CRYL1: variants seen among roughly 807,000 people sequenced by gnomAD.
The protein encoded by CRYL1 is crystallin lambda 1.
In CRYL1, 29 loss-of-function variants were observed where a neutral mutation model predicts 36.6. The ratio of observed to expected loss-of-function variants is 0.79; its 90% CI spans 0.59 to 1.08. The LOEUF (loss-of-function observed/expected upper bound fraction) is 1.08. Among genes scored for constraint, CRYL1 ranks in the 50% least tolerant of loss-of-function variants. The pLI is 0.00. For synonymous variants in CRYL1, 152 were observed against 151.5 expected, an observed-to-expected ratio of 1.00 and a Z score of -0.02; for missense variants, 411 against 407.9, an observed-to-expected ratio of 1.01 and a Z score of -0.06.
intron 2 of CRYL1, among the ~76,000 whole-genome samples, chr13:20,509,786 T>C (rs1168040296): frequency 6.6e-6 from 1 of 152,036 alleles, no homozygotes; most frequent in Non-Finnish European, 1.5e-5. Context: ...AAAAATTAGC[T>C]GGGCGTAGTG....
chr13:20,495,922 C>T (rs1294049386), intron 2 of CRYL1, among the ~76,000 whole-genome samples: 2 of 152,172 alleles, frequency 1.3e-5, no homozygotes, highest in Non-Finnish European at 2.9e-5. Context: ...CTCAGCTTCC[C>T]AAATAGCTGG....
intron 2 of CRYL1, among the ~76,000 whole-genome samples, chr13:20,508,848 CAAA>C (rs1179533995): frequency 2.9e-4 from 3 of 10,448 alleles, no homozygotes; most frequent in Admixed American, 2.2e-3. Context: ...AGCGAGACTC[CAAA>C]AAAAAAAAAA....
chr13:20,489,405 T>C lies in CRYL1; in HGVS notation c.241A>G (p.Ile81Val). Residue 81 changes from isoleucine (I) to valine (V), a missense_variant, in exon 3 of 8, where the codon ATC becomes GTC. Ile to Val is a conservative substitution (Grantham distance 29). Transcript: ENST00000298248. ...ATGGCACCCTCTACTGCTTCTTGGATATTGGGACAACCACTGATGAGTGAC... is the reference window on the plus strand; with the variant it reads ...ATGGCACCCTCTACTGCTTCTTGGACATTGGGACAACCACTGATGAGTGAC... Reference protein sequence around the residue: ...QLSLISGCPNIQEAVEGAMHI... With the variant: ...QLSLISGCPNVQEAVEGAMHI... 1 of 1,613,670 alleles carries C rather than the reference T, an allele frequency of 6.2e-7. No homozygotes were observed. Among genetic ancestry groups the C allele is most frequent in the Non-Finnish European group, 8.5e-7 (1 of 1,180,024 alleles).
chr13:20,511,411 T>C (rs963491994), intron 2 of CRYL1, among the ~76,000 whole-genome samples: 1 of 152,152 alleles, frequency 6.6e-6, no homozygotes, highest in African/African-American at 2.4e-5. Flanking sequence ...GTTTTTTAGA[T>C]TGACATTTTA....
intron 2 of CRYL1, among the ~76,000 whole-genome samples, chr13:20,510,433 G>A (rs2033892214): frequency 6.6e-6 from 1 of 152,066 alleles, no homozygotes; most frequent in African/African-American, 2.4e-5. Flanking sequence ...ATAACATTCT[G>A]GAAAAGGTAA....
At chr13:20,414,928 T>A (rs2031619711) in intron 5 of CRYL1, among the ~76,000 whole-genome samples, 1 of 152,150 alleles carries the variant, frequency 6.6e-6, no homozygotes, top group African/African-American at 2.4e-5. Flanking sequence ...CAGGCAGCAC[T>A]CCCGCGGAAT....
intron 5 of CRYL1, chr13:20,427,292 A>G: frequency 1.0e-6 from 1 of 985,418 alleles, no homozygotes; most frequent in Non-Finnish European, 1.2e-6. Flanking sequence ...GCTTCATCCC[A>G]AAACTGAAGC....
intron 5 of CRYL1, among the ~76,000 whole-genome samples, chr13:20,423,733 G>A (rs542043658): frequency 1.1e-4 from 17 of 149,450 alleles, no homozygotes; most frequent in African/African-American, 3.7e-4. Flanking sequence ...GGTGGACACT[G>A]AGTACTCACT....
intron 5 of CRYL1, chr13:20,430,527 C>T (rs545351208): frequency 1.0e-6 from 1 of 985,436 alleles, no homozygotes; most frequent in African/African-American, 1.7e-5. Context: ...GTCAGCAGAA[C>T]TACCAGAGCA....
rs1420963984 is a variant in CRYL1, at chr13:20,430,934, A to G, written c.633+1168T>C. The G allele has an allele frequency of 3.0e-6, 3 of 985,330 alleles. No individual in the cohort carries two copies. The Admixed American group carries it at 1.8e-4, about 61-fold the overall frequency. The allele number at this position is 985,330 out of a possible 1,614,324, so 61.0% of individuals were successfully genotyped here. A position where few individuals can be genotyped will look rare whatever the true frequency, so the allele number is the denominator to read the frequency against. On this transcript the variant is annotated intron_variant, in intron 5 of 7. Coordinates refer to ENST00000298248, the MANE Select transcript of CRYL1 (RefSeq NM_015974.3). ...GACTGATATTCAAGAAATTACTAAG[A>G]AATTCAAACCGCCGCCCTAACAGTG...
At chr13:20,505,854 C>G (rs2033788565) in intron 2 of CRYL1, among the ~76,000 whole-genome samples, 1 of 152,176 alleles carries the variant, frequency 6.6e-6, no homozygotes. Context: ...TGGTCAGGGA[C>G]ATTTTAACCT....
At chr13:20,499,347 A>AG in intron 2 of CRYL1, among the ~76,000 whole-genome samples, 1 of 141,378 alleles carries the variant, frequency 7.1e-6, no homozygotes, top group East Asian at 2.1e-4. Context: ...CCCTGTCTCA[A>AG]AAAAAAAAAA....
At chr13:20,430,196 C>A (rs1430530354) in intron 5 of CRYL1, 10 of 984,446 alleles carry the variant, frequency 1.0e-5, no homozygotes, top group Non-Finnish European at 1.2e-5. Flanking sequence ...TTTTTAGAAA[C>A]AAATTATCTT....
chr13:20,495,632 T>C (rs1218502596), intron 2 of CRYL1, among the ~76,000 whole-genome samples: 2 of 152,212 alleles, frequency 1.3e-5, no homozygotes, highest in Non-Finnish European at 2.9e-5. Flanking sequence ...GGAACCCCAC[T>C]GCTGTGCATA....
intron 3 of CRYL1, among the ~76,000 whole-genome samples, chr13:20,447,337 A>T (rs111541006): frequency 0.016 from 2,399 of 152,246 alleles, 68 homozygotes; most frequent in African/African-American, 0.055. Context: ...CATTATTGAA[A>T]ACTCATAGTA....
At chr13:20,457,914 G>C (rs1398022464) in intron 3 of CRYL1, among the ~76,000 whole-genome samples, 3 of 152,154 alleles carry the variant, frequency 2.0e-5, no homozygotes, top group Non-Finnish European at 2.9e-5. Flanking sequence ...GTCTATCCAG[G>C]TACTCAGTGG....
chr13:20,480,546 C>T (rs906548578), intron 3 of CRYL1, among the ~76,000 whole-genome samples: 6 of 152,382 alleles, frequency 3.9e-5, no homozygotes, highest in Admixed American at 2.0e-4. Context: ...TCTGCTCCAG[C>T]ACACATAACT....
At chr13:20,516,510 T>C (rs1340340460) in intron 1 of CRYL1, among the ~76,000 whole-genome samples, 1 of 152,034 alleles carries the variant, frequency 6.6e-6, no homozygotes, top group East Asian at 1.9e-4. Context: ...AATGGAGTCT[T>C]GCTCTGTCGC....
intron 3 of CRYL1, among the ~76,000 whole-genome samples, chr13:20,440,099 C>T (rs531283447): frequency 4.6e-5 from 7 of 152,344 alleles, no homozygotes; most frequent in African/African-American, 1.7e-4. Context: ...ACAAACAGGC[C>T]TTGCCAACTT....
Sources: allele counts gnomAD v4.1 joint callset (sites outside exome capture counted in the v4.1 genomes callset), GRCh38; gene constraint gnomAD v4.1.1; transcripts MANE v1.5; gene names NCBI Gene and HGNC (gene_info 2026-07-23, HGNC 2026-07-21).